The following PIP5K1B variants were observed in gnomAD, a reference collection of about 807,000 sequenced individuals.
PIP5K1B encodes phosphatidylinositol 4-phosphate 5-kinase type-1 beta.
In PIP5K1B, 42 loss-of-function variants were observed where a neutral mutation model predicts 67.0. The observed-to-expected ratio is 0.63, with a 90% CI of 0.49 to 0.81. PIP5K1B has a LOEUF of 0.81. PIP5K1B is among the 30% of genes least tolerant of loss of function. PIP5K1B has a pLI of 0.00. For synonymous variants in PIP5K1B, 214 were observed against 231.4 expected, an observed-to-expected ratio of 0.92 and a Z score of 0.68; for missense variants, 459 against 646.3, an observed-to-expected ratio of 0.71 and a Z score of 3.14.
At chr9:68,847,784 T>A (rs964685995) in intron 4 of PIP5K1B, among the ~76,000 whole-genome samples, 1 of 152,090 alleles carries the variant, frequency 6.6e-6, no homozygotes, top group Non-Finnish European at 1.5e-5. Flanking sequence ...GGCAAAGAGT[T>A]AACCATGGAT....
At chr9:68,880,114 T>C (rs1484447538) in intron 6 of PIP5K1B, among the ~76,000 whole-genome samples, 2 of 152,180 alleles carry the variant, frequency 1.3e-5, no homozygotes, top group Admixed American at 6.5e-5. Flanking sequence ...GCAGAGTGGT[T>C]GGAGGTCTAG....
intron 5 of PIP5K1B, among the ~76,000 whole-genome samples, chr9:68,867,347 A>G (rs1420507268): frequency 1.3e-5 from 2 of 152,248 alleles, no homozygotes; most frequent in Non-Finnish European, 2.9e-5. Flanking sequence ...TTGTTTAAGT[A>G]ACACAGGCAC....
At chr9:68,787,983 C>T (rs1271832654) in intron 2 of PIP5K1B, among the ~76,000 whole-genome samples, 1 of 152,186 alleles carries the variant, frequency 6.6e-6, no homozygotes, top group African/African-American at 2.4e-5. Flanking sequence ...CTTTCGTCAG[C>T]TTTAGATAAT....
chr9:69,008,324 T>TTTCCA, intron 15 of PIP5K1B, 123 bp from the exon 16 acceptor site: 1 of 838,990 alleles, frequency 1.2e-6, no homozygotes, highest in South Asian at 1.4e-5. Context: ...CCAAACATAA[T>TTTCCA]GCACCCCATT....
intron 15 of PIP5K1B, among the ~76,000 whole-genome samples, chr9:69,002,560 G>A (rs956203467): frequency 7.9e-5 from 12 of 152,052 alleles, no homozygotes; most frequent in African/African-American, 2.7e-4. Flanking sequence ...AAATGATTGT[G>A]CCTTGTGAAG....
At chr9:68,780,032 G>A (rs1330127357) in intron 2 of PIP5K1B, 1 of 1,249,086 alleles carries the variant, frequency 8.0e-7, no homozygotes, top group South Asian at 1.9e-5. Context: ...TGCGCGAAGG[G>A]CTACGCATGC....
chr9:68,886,788 G>A (rs1024439805), intron 6 of PIP5K1B, among the ~76,000 whole-genome samples: 1 of 152,148 alleles, frequency 6.6e-6, no homozygotes, highest in Non-Finnish European at 1.5e-5. Context: ...CCAACAGAGT[G>A]GTCCTCTGCT....
At chr9:68,875,730 A>G (rs1401679057) in intron 5 of PIP5K1B, among the ~76,000 whole-genome samples, 2 of 152,204 alleles carry the variant, frequency 1.3e-5, no homozygotes, top group African/African-American at 4.8e-5. Context: ...ATGTAGATCA[A>G]AGGGATTTTG....
chr9:68,960,750 A>C (rs1803109027), intron 14 of PIP5K1B, among the ~76,000 whole-genome samples: 1 of 152,170 alleles, frequency 6.6e-6, no homozygotes, highest in African/African-American at 2.4e-5. Flanking sequence ...GCTGTAACTT[A>C]TCTGAGGAAG....
intron 2 of PIP5K1B, among the ~76,000 whole-genome samples, chr9:68,792,361 A>T (rs936537059): frequency 6.6e-6 from 1 of 152,164 alleles, no homozygotes; most frequent in Non-Finnish European, 1.5e-5. Context: ...TGAGTTCATG[A>T]TATTTGCGGT....
chr9:68,921,572 C>A (rs1230799926), intron 11 of PIP5K1B, among the ~76,000 whole-genome samples: 7 of 152,006 alleles, frequency 4.6e-5, no homozygotes, highest in Non-Finnish European at 7.4e-5. Context: ...ATCTAAGGGC[C>A]CCCCACCTTT....
At chr9:68,974,424 AAC>A (rs1287142108) in intron 14 of PIP5K1B, among the ~76,000 whole-genome samples, 3 of 152,224 alleles carry the variant, frequency 2.0e-5, no homozygotes. Flanking sequence ...GTCAGATTCT[AAC>A]ACGCCTAGCC....
intron 14 of PIP5K1B, among the ~76,000 whole-genome samples, chr9:68,984,518 T>C (rs2132911532): frequency 6.6e-6 from 1 of 152,376 alleles, no homozygotes; most frequent in Non-Finnish European, 1.5e-5. Flanking sequence ...ATACATTTAA[T>C]GGTACTTTAC....
chr9:68,837,480 T>C (rs1281516703), intron 4 of PIP5K1B, among the ~76,000 whole-genome samples: 5 of 152,230 alleles, frequency 3.3e-5, no homozygotes, highest in African/African-American at 1.2e-4. Context: ...TATTGATTTA[T>C]GTGTATTATT....
chr9:68,951,727 T>A lies in PIP5K1B; in HGVS notation c.1502+10937T>A, dbSNP rs1198482140. On this transcript the variant is annotated intron_variant, in intron 14 of 15. Transcript: ENST00000265382. ...AGGTATTGATTGATTTTAAAATTTA[T>A]AAATTATTTTTGTAACAAAACTCTA... 3.9e-5 allele frequency among the ~76,000 whole-genome samples: 6 copies of A among 152,194 alleles called. No homozygotes were observed. In the East Asian group the frequency reaches 1.2e-3, roughly 29 times the overall value.
chr9:68,779,946 C>T, intron 2 of PIP5K1B: 1 of 536,280 alleles, frequency 1.9e-6, no homozygotes, highest in Non-Finnish European at 3.0e-6. Flanking sequence ...CCGACCACTC[C>T]TCGCCCCTCC....
chr9:68,753,787 G>A (rs1015445116), intron 2 of PIP5K1B, among the ~76,000 whole-genome samples: 26 of 151,942 alleles, frequency 1.7e-4, no homozygotes, highest in African/African-American at 6.3e-4. Context: ...GCCTCGCAAA[G>A]TGCTGGGATT....
chr9:68,968,270 C>T (rs951552780), intron 14 of PIP5K1B, among the ~76,000 whole-genome samples: 7 of 152,176 alleles, frequency 4.6e-5, no homozygotes, highest in Admixed American at 1.3e-4. Flanking sequence ...CTGTAATCCC[C>T]GCATTTTGGG....
At chr9:68,803,541 G>C (rs1020356568) in intron 2 of PIP5K1B, among the ~76,000 whole-genome samples, 2 of 152,196 alleles carry the variant, frequency 1.3e-5, no homozygotes, top group African/African-American at 4.8e-5. Context: ...CATATATGGA[G>C]GCCCTGCTCA....
Sources: allele counts gnomAD v4.1 joint callset (sites outside exome capture counted in the v4.1 genomes callset), GRCh38; gene constraint gnomAD v4.1.1; transcripts MANE v1.5; gene names NCBI Gene and HGNC (gene_info 2026-07-23, HGNC 2026-07-21).